Variants in SLAMF1 observed in about 807,000 individuals in gnomAD.
SLAMF1 encodes the protein signaling lymphocytic activation molecule.
In SLAMF1, 18 loss-of-function variants were observed where a neutral mutation model predicts 35.1. That is an observed-to-expected ratio of 0.51 (90% CI 0.35 to 0.76). SLAMF1 has a LOEUF of 0.76. SLAMF1 is among the 30% of genes least tolerant of loss of function. SLAMF1 has a pLI of 0.01. For synonymous variants in SLAMF1, 168 were observed against 157.2 expected (o/e 1.07, Z -0.51); for missense variants, 392 against 413.0 (o/e 0.95, Z 0.44).
intron 3 of SLAMF1, chr1:160,634,277 G>A: frequency 3.4e-6 from 1 of 296,726 alleles, no homozygotes; most frequent in South Asian, 1.3e-4. Context: ...AGACTTGGGA[G>A]CCAGGCCCTC....
Position 160,647,032 on chromosome 1 carries a change from G to A in SLAMF1, c.-87C>T. 2 of 719,804 alleles carry A rather than the reference G, an allele frequency of 2.8e-6. No homozygotes were observed. The highest frequency in any genetic ancestry group is 1.5e-5 in the South Asian group (1 of 67,742). 44.6% of individuals were successfully genotyped at this position (719,804 alleles called of 1,614,324 possible). A position where few individuals can be genotyped will look rare whatever the true frequency, so the allele number is the denominator to read the frequency against. ...GCAGAAGCAAGCTTCGTGTCATGCA[G>A]CAGAGGCTGTCTGATTTATGTATCA... On this transcript the variant is annotated 5_prime_UTR_variant, in exon 1 of 7. Coordinates refer to ENST00000302035, the MANE Select transcript of SLAMF1 (RefSeq NM_003037.5).
At chr1:160,614,118 C>T (rs946677497) in intron 5 of SLAMF1, among the ~76,000 whole-genome samples, 2 of 152,182 alleles carry the variant, frequency 1.3e-5, no homozygotes, top group African/African-American at 4.8e-5. Context: ...CTAGGCAACA[C>T]TTTGGAAGTA....
At chr1:160,611,119 T>C (rs1306533370) in intron 6 of SLAMF1, among the ~76,000 whole-genome samples, 2 of 152,208 alleles carry the variant, frequency 1.3e-5, no homozygotes, top group Non-Finnish European at 2.9e-5. Context: ...TGTTTTGCTG[T>C]TACATATGGG....
chr1:160,634,120 T>C (rs1660303560), intron 3 of SLAMF1, among the ~76,000 whole-genome samples: 1 of 152,250 alleles, frequency 6.6e-6, no homozygotes. Flanking sequence ...TGTGTTTCAT[T>C]ATTAAGCAAT....
intron 3 of SLAMF1, among the ~76,000 whole-genome samples, chr1:160,629,305 C>CTT (rs954083542): frequency 6.7e-6 from 1 of 149,366 alleles, no homozygotes; most frequent in African/African-American, 2.4e-5. Context: ...AGAAGCGTGT[C>CTT]TCTCTCTCTC....
intron 1 of SLAMF1, among the ~76,000 whole-genome samples, chr1:160,638,897 G>C (rs1660598660): frequency 6.6e-6 from 1 of 152,260 alleles, no homozygotes; most frequent in South Asian, 2.1e-4. Flanking sequence ...TTCTTGGCAG[G>C]AGCCTTCTGC....
At position 160,619,191 on chromosome 1, in the gene SLAMF1, C is replaced by G. The variant is rs577857306; in HGVS notation, c.864+585G>C. 2.0e-5 allele frequency among the ~76,000 whole-genome samples: 3 copies of G among 152,316 alleles called. No homozygotes were observed. In the East Asian group the frequency reaches 5.8e-4, roughly 29 times the overall value. ...TCTAACCACGATCCTTTTAGCGTCT[C>G]TATCCCTTCCTTCAAGCATATCTGC... On this transcript the variant is annotated intron_variant, in intron 5 of 6. Transcript: ENST00000302035.
Position 160,637,265 on chromosome 1 carries a change from T to A in SLAMF1, c.341A>T (p.Asp114Val). 6.2e-7 allele frequency: 1 copy of A among 1,614,040 alleles called. No homozygotes were observed. The highest frequency in any genetic ancestry group is 8.5e-7 in the Non-Finnish European group (1 of 1,179,978). The change falls in exon 2 of 7, where the codon GAT (aspartate) becomes GTT (valine). Residue 114 changes from aspartate to valine, a missense_variant. By Grantham distance (152) the Asp-to-Val change is radical. Coordinates refer to ENST00000302035, the MANE Select transcript of SLAMF1 (RefSeq NM_003037.5). ...TLGIRESRKEDEGWYLMTLEK... is the reference protein window; with the variant it reads ...TLGIRESRKEVEGWYLMTLEK... ...CAGGGTCATAAGGTACCATCCCTCA[T>A]CCTCCTTCCTGCTTTCCCGTATCCC... is the stretch of plus-strand genomic sequence containing the variant.
rs184574535 is a variant in SLAMF1, at chr1:160,616,191, C to T, written c.864+3585G>A. Reference sequence around the variant, plus strand: ...TTAACAGGAGAGCGACCAACTTTACCGTGATGTGGGTATTAGGTAGAGTAG... The same window carrying T: ...TTAACAGGAGAGCGACCAACTTTACTGTGATGTGGGTATTAGGTAGAGTAG... On this transcript the variant is annotated intron_variant, in intron 5 of 6. Transcript: ENST00000302035. 9.2e-4 allele frequency among the ~76,000 whole-genome samples: 140 copies of T among 152,182 alleles called. 1 individual carries two copies. Among genetic ancestry groups the T allele is most frequent in the Admixed American group, 6.6e-3 (101 of 15,282 alleles).
intron 1 of SLAMF1, among the ~76,000 whole-genome samples, chr1:160,643,117 G>T (rs1342697167): frequency 3.3e-5 from 5 of 152,084 alleles, no homozygotes; most frequent in Admixed American, 2.6e-4. Context: ...ACACTCCATA[G>T]GTAAGAAACA....
intron 5 of SLAMF1, among the ~76,000 whole-genome samples, chr1:160,618,884 A>G (rs910750590): frequency 5.9e-5 from 9 of 152,092 alleles, no homozygotes; most frequent in African/African-American, 2.2e-4. Flanking sequence ...ATCTATTTAA[A>G]TGGAGTTTAG....
chr1:160,624,909 C>T (rs1002553635), intron 3 of SLAMF1, among the ~76,000 whole-genome samples: 12 of 152,176 alleles, frequency 7.9e-5, no homozygotes, highest in African/African-American at 2.9e-4. Flanking sequence ...CCCCAGTAAA[C>T]AAGACATGTA....
chr1:160,640,520 A>G (rs1212838773), intron 1 of SLAMF1, among the ~76,000 whole-genome samples: 1 of 151,944 alleles, frequency 6.6e-6, no homozygotes, highest in Non-Finnish European at 1.5e-5. Context: ...AGAAAGTCAG[A>G]GAGTAAAATA....
chr1:160,619,910 A>C, intron 4 of SLAMF1, 61 bp from the exon 5 acceptor site: 3 of 1,134,842 alleles, frequency 2.6e-6, no homozygotes, highest in Non-Finnish European at 4.0e-6. Flanking sequence ...CTCCTTACTC[A>C]GACCTGGTCT....
intron 4 of SLAMF1, among the ~76,000 whole-genome samples, chr1:160,622,289 A>G (rs1186184691): frequency 6.6e-6 from 1 of 152,228 alleles, no homozygotes; most frequent in Non-Finnish European, 1.5e-5. Flanking sequence ...AAATTAGGAC[A>G]TCTACATTGT....
At chr1:160,635,253 T>G (rs1660377412) in intron 2 of SLAMF1, among the ~76,000 whole-genome samples, 1 of 152,244 alleles carries the variant, frequency 6.6e-6, no homozygotes, top group Non-Finnish European at 1.5e-5. Context: ...TTGGCTTACG[T>G]TGTTACTTCC....
At position 160,610,295 on chromosome 1, in the gene SLAMF1, A is replaced by AAGCC; in HGVS notation, c.*452_*453insGGCT. The stretch of plus-strand genomic sequence containing the variant: ...GGCTTGATCAGGTCTGCAGGTTATC[A>AAGCC]TGATCAGCTCCCAGAACAAAGTAAA... On this transcript the variant is annotated 3_prime_UTR_variant, in exon 7 of 7. Coordinates refer to ENST00000302035, the MANE Select transcript of SLAMF1 (RefSeq NM_003037.5). 1 of 456,994 alleles carries AAGCC rather than the reference A, an allele frequency of 2.2e-6. No homozygotes were observed. The allele number at this position is 456,994 out of a possible 1,614,324, so 28.3% of individuals were successfully genotyped here. A position where few individuals can be genotyped will look rare whatever the true frequency, so the allele number is the denominator to read the frequency against.
At chr1:160,629,899 A>G (rs1660078862) in intron 3 of SLAMF1, among the ~76,000 whole-genome samples, 1 of 152,176 alleles carries the variant, frequency 6.6e-6, no homozygotes, top group South Asian at 2.1e-4. Context: ...GACCTGTCTT[A>G]GTGCCTGGAA....
intron 3 of SLAMF1, among the ~76,000 whole-genome samples, chr1:160,633,974 T>G (rs1660295865): frequency 6.6e-6 from 1 of 152,216 alleles, no homozygotes; most frequent in South Asian, 2.1e-4. Flanking sequence ...AGTGCTTTGC[T>G]AATGATGAAG....
Sources: gnomAD v4.1 joint callset for allele counts (sites outside exome capture counted in the v4.1 genomes callset) on GRCh38, gnomAD v4.1.1 for gene constraint, MANE v1.5 for transcripts, NCBI Gene and HGNC (gene_info 2026-07-23, HGNC 2026-07-21) for gene names.